TCF20: variants seen among roughly 807,000 people sequenced by gnomAD.
TCF20 encodes the protein SPRE-binding protein.
Under a neutral mutation model 148.6 loss-of-function variants are expected in TCF20, and 3 were observed. That is an observed-to-expected ratio of 0.02 (90% CI 0.01 to 0.05). TCF20 has a LOEUF of 0.05. Among genes scored for constraint, TCF20 ranks in the 10% least tolerant of loss-of-function variants. TCF20 has a pLI of 1.00. For synonymous variants in TCF20, 1,049 were observed against 909.5 expected (o/e 1.15, Z -2.76); for missense variants, 2,350 against 2,429.3 (o/e 0.97, Z 0.69).
Position 42,176,003 on chromosome 22 carries a change from C to T in TCF20, c.5749+3606G>A, listed in dbSNP as rs549165430. On this transcript the variant is annotated intron_variant, in intron 3 of 5. Transcript: ENST00000677622. ...TAGAGACAGGGTTTCACCATGTTGG[C>T]CAGGCTGGTCTCGAACTCCTGGGCT... is the stretch of plus-strand genomic sequence containing the variant. Among the ~76,000 whole-genome samples the T allele has an allele frequency of 3.3e-5, 5 of 152,008 alleles. No individual in the cohort carries two copies. The South Asian group carries it at 1.0e-3, about 32-fold the overall frequency.
At chr22:42,323,786 T>TA (rs1436141473) in intron 1 of TCF20, among the ~76,000 whole-genome samples, 15 of 151,440 alleles carry the variant, frequency 9.9e-5, no homozygotes, top group Non-Finnish European at 7.4e-5. Flanking sequence ...GTACCTACTT[T>TA]CCAAGGCTGT....
rs1920927202 is a variant in TCF20 at position 42,209,890 on chromosome 22, G to A, written c.5416C>T (p.Leu1806Phe). 5.6e-6 allele frequency: 9 copies of A among 1,614,118 alleles called. No homozygotes were observed. Among genetic ancestry groups the A allele is most frequent in the Non-Finnish European group, 7.6e-6 (9 of 1,180,008 alleles). Residue 1806 changes from leucine (L) to phenylalanine (F), a missense_variant, in exon 2 of 6, where the codon CTC becomes TTC. Physicochemically the swap from Leu to Phe is conservative, Grantham distance 22. Around this residue, in one of 7 missense-constraint regions of TCF20, gnomAD observed 374 missense variants for 398.3 expected, o/e 0.94. Transcript: ENST00000677622. ...GGGPRSLSRG[L>F]PCKKAATEGS... ...TCAGTGGCTGCTTTTTTACAAGGGA[G>A]CCCCCTGGACAGGGACCGAGGGCCT...
chr22:42,320,793 C>T (rs981935581), intron 1 of TCF20, among the ~76,000 whole-genome samples: 11 of 152,326 alleles, frequency 7.2e-5, no homozygotes, highest in African/African-American at 2.2e-4. Context: ...TGGCTACATC[C>T]GCAACTTTGC....
chr22:42,216,079 CTTTTTTTTTT>C (rs759118027), intron 1 of TCF20, among the ~76,000 whole-genome samples: 33 of 50,576 alleles, frequency 6.5e-4, no homozygotes, highest in East Asian at 3.3e-3. Context: ...AAACCAAATC[CTTTTTTTTTT>C]TTTTTTTTTT....
At chr22:42,327,047 G>A (rs1927887976) in intron 1 of TCF20, among the ~76,000 whole-genome samples, 1 of 152,212 alleles carries the variant, frequency 6.6e-6, no homozygotes, top group Admixed American at 6.5e-5. Context: ...ATGACTGTGT[G>A]CCAGGCACTT....
chr22:42,192,493 T>TA (rs1937385065), intron 2 of TCF20, among the ~76,000 whole-genome samples: 1 of 152,174 alleles, frequency 6.6e-6, no homozygotes, highest in African/African-American at 2.4e-5. Flanking sequence ...AAAGCCACCC[T>TA]ATTCCTGGAA....
At chr22:42,224,887 G>C (rs540377043) in intron 1 of TCF20, among the ~76,000 whole-genome samples, 16 of 152,008 alleles carry the variant, frequency 1.1e-4, no homozygotes, top group African/African-American at 3.9e-4. Flanking sequence ...AGGCCAAAGG[G>C]AATAATGGAG....
At chr22:42,300,413 C>T (rs984589567) in intron 1 of TCF20, among the ~76,000 whole-genome samples, 1 of 152,084 alleles carries the variant, frequency 6.6e-6, no homozygotes, top group African/African-American at 2.4e-5. Flanking sequence ...AAAAAAGCGC[C>T]ACATGGGCCA....
In TCF20 at chr22:42,292,296, G is replaced by A. The variant is rs149008356; in HGVS notation, c.-37+51183C>T. Among the ~76,000 whole-genome samples the A allele has an allele frequency of 8.5e-5, 13 of 152,256 alleles. No individual in the cohort carries two copies. The East Asian group carries it at 2.1e-3, about 25-fold the overall frequency. ...TCCCAGGGTTGGGCCTGCGTGTTCC[G>A]TGTCCTGATCCGCTGAGGCCCCAGT... On this transcript the variant is annotated intron_variant, in intron 1 of 1. Coordinates refer to the TCF20 transcript ENST00000515426. The surrounding 1 kb of genome is among the most constrained non-coding windows in gnomAD (Gnocchi z 4.9).
intron 1 of TCF20, among the ~76,000 whole-genome samples, chr22:42,335,228 C>T (rs577830385): frequency 2.6e-5 from 4 of 152,234 alleles, no homozygotes; most frequent in East Asian, 3.9e-4. Flanking sequence ...ATGCTCTCCC[C>T]GCACACCTCC....
chr22:42,225,930 C>T (rs1864528976), intron 1 of TCF20, among the ~76,000 whole-genome samples: 1 of 152,204 alleles, frequency 6.6e-6, no homozygotes, highest in Admixed American at 6.5e-5. Flanking sequence ...GAATTCCAAC[C>T]CACAGTCGGC....
In TCF20 at chr22:42,212,453, G is replaced by A; in HGVS notation, c.2853C>T (p.Cys951=). 1 of 1,614,242 alleles carries A rather than the reference G, an allele frequency of 6.2e-7. No homozygotes were observed. Among genetic ancestry groups the A allele is most frequent in the Non-Finnish European group, 8.5e-7 (1 of 1,180,052 alleles). ...ACTCATGCTTGATGCTAGGAGGATG[G>A]CAGTGGTCTCCAGATTTCTTGTTGT... ...SFNNKKSGDH[C]HPPSIKHESY... Residue 951 remains cysteine (C), a synonymous_variant, in exon 2 of 6, where the codon TGC becomes TGT. Transcript: ENST00000677622.
At chr22:42,281,532 G>A (rs1044281949) in intron 1 of TCF20, among the ~76,000 whole-genome samples, 1 of 152,164 alleles carries the variant, frequency 6.6e-6, no homozygotes, top group Non-Finnish European at 1.5e-5. Flanking sequence ...CCTTGGATGC[G>A]CTGTTCTTGC....
At chr22:42,169,128 C>T (rs1479461785) in intron 4 of TCF20, among the ~76,000 whole-genome samples, 1 of 151,420 alleles carries the variant, frequency 6.6e-6, no homozygotes, top group Non-Finnish European at 1.5e-5. Flanking sequence ...CCAGTGACCA[C>T]CAGGTGTCAG....
intron 1 of TCF20, among the ~76,000 whole-genome samples, chr22:42,219,677 GA>G (rs1253381083): frequency 6.6e-6 from 1 of 151,896 alleles, no homozygotes; most frequent in Non-Finnish European, 1.5e-5. Flanking sequence ...GCAACATGGC[GA>G]AACCCTATCT....
intron 2 of TCF20, among the ~76,000 whole-genome samples, chr22:42,188,837 T>A (rs186473136): frequency 4.8e-4 from 73 of 152,334 alleles, no homozygotes; most frequent in Admixed American, 2.2e-3. Flanking sequence ...ACCTAGTGTC[T>A]ACCCTCCAGG....
chr22:42,308,676 T>A (rs763000), intron 1 of TCF20, among the ~76,000 whole-genome samples: 79,862 of 151,754 alleles, frequency 0.53, 21,267 homozygotes, highest in South Asian at 0.66. Flanking sequence ...TGGCCAGAAG[T>A]GAGTCTGGTC....
intron 1 of TCF20, among the ~76,000 whole-genome samples, chr22:42,315,670 G>T (rs1569207694): frequency 6.6e-6 from 1 of 152,136 alleles, no homozygotes; most frequent in Admixed American, 6.5e-5. Flanking sequence ...CCAGAGAGGG[G>T]GGCACATAAG....
chr22:42,330,993 C>T (rs946146471), intron 1 of TCF20, among the ~76,000 whole-genome samples: 2 of 152,196 alleles, frequency 1.3e-5, no homozygotes, highest in African/African-American at 4.8e-5. Flanking sequence ...GCCGCCACCC[C>T]CTGCCCCTGG....
Sources: allele counts gnomAD v4.1 joint callset (sites outside exome capture counted in the v4.1 genomes callset), GRCh38; gene constraint gnomAD v4.1.1; regional missense constraint gnomAD v4.1.1; non-coding constraint Gnocchi (gnomAD v3.1); transcripts MANE v1.5; gene names NCBI Gene and HGNC (gene_info 2026-07-23, HGNC 2026-07-21).